The following COG5 variants were observed in gnomAD, a reference collection of about 807,000 sequenced individuals.
The protein encoded by COG5 is component of oligomeric golgi complex 5, also known as conserved oligomeric Golgi complex subunit 5.
A neutral mutation model predicts 110.4 loss-of-function variants in COG5; 86 were observed. That is an observed-to-expected ratio of 0.78 (90% CI 0.65 to 0.93). COG5 has a LOEUF of 0.93. Among genes scored for constraint, COG5 ranks in the 40% least tolerant of loss-of-function variants. The pLI is 0.00. For synonymous variants in COG5, 360 were observed against 334.6 expected, an observed-to-expected ratio of 1.08 and a Z score of -0.83; for missense variants, 1,077 against 987.0, an observed-to-expected ratio of 1.09 and a Z score of -1.22.
intron 11 of COG5, among the ~76,000 whole-genome samples, chr7:107,310,907 A>T (rs1015501330): frequency 2.0e-5 from 3 of 152,140 alleles, no homozygotes; most frequent in African/African-American, 7.2e-5. Flanking sequence ...CATCAATAAA[A>T]GTTCTCAGCA....
At chr7:107,433,245 G>T (rs1376387623) in intron 6 of COG5, among the ~76,000 whole-genome samples, 1 of 152,116 alleles carries the variant, frequency 6.6e-6, no homozygotes, top group Non-Finnish European at 1.5e-5. Flanking sequence ...GCTTAATATT[G>T]TTAAGATGTC....
intron 14 of COG5, among the ~76,000 whole-genome samples, chr7:107,280,003 T>C (rs7341417): frequency 4.6e-5 from 7 of 152,110 alleles, no homozygotes; most frequent in Non-Finnish European, 7.4e-5. Flanking sequence ...ATTTTCTATA[T>C]ACATGCTGGA....
At chr7:107,524,915 T>G (rs1465037208) in intron 6 of COG5, among the ~76,000 whole-genome samples, 1 of 152,064 alleles carries the variant, frequency 6.6e-6, no homozygotes, top group Non-Finnish European at 1.5e-5. Flanking sequence ...TTGTGCCTGT[T>G]TTTTTGTGGG....
intron 7 of COG5, among the ~76,000 whole-genome samples, chr7:107,393,339 G>A (rs952601406): frequency 1.3e-5 from 2 of 151,982 alleles, no homozygotes; most frequent in African/African-American, 2.4e-5. Flanking sequence ...GCCCCTAGGT[G>A]GTCTGCATTC....
chr7:107,389,571 C>T (rs1050298619), intron 7 of COG5, among the ~76,000 whole-genome samples: 3 of 152,178 alleles, frequency 2.0e-5, no homozygotes, highest in Non-Finnish European at 4.4e-5. Flanking sequence ...GGGAAAGTAA[C>T]GGATTTCACT....
At chr7:107,379,476 T>G (rs2129052573) in intron 7 of COG5, among the ~76,000 whole-genome samples, 1 of 151,266 alleles carries the variant, frequency 6.6e-6, no homozygotes, top group Non-Finnish European at 1.5e-5. Context: ...CACGGACTAG[T>G]AAATTGGATA....
chr7:107,243,604 T>A (rs1029074516), intron 17 of COG5, among the ~76,000 whole-genome samples: 1 of 148,494 alleles, frequency 6.7e-6, no homozygotes, highest in African/African-American at 2.5e-5. Context: ...CAGTATTAGA[T>A]AGATCATCAA....
intron 19 of COG5, among the ~76,000 whole-genome samples, chr7:107,228,698 C>T (rs1004857623): frequency 2.6e-5 from 4 of 151,792 alleles, no homozygotes; most frequent in Non-Finnish European, 4.4e-5. Context: ...TTTAAGTTTT[C>T]CTAAAACTCA....
intron 6 of COG5, among the ~76,000 whole-genome samples, chr7:107,504,979 C>CT (rs1314346549): frequency 6.6e-6 from 1 of 152,060 alleles, no homozygotes; most frequent in African/African-American, 2.4e-5. Flanking sequence ...GGTGGAAACT[C>CT]TGAGTTCCTT....
At chr7:107,411,211 C>A (rs371675760) in intron 7 of COG5, among the ~76,000 whole-genome samples, 1 of 152,164 alleles carries the variant, frequency 6.6e-6, no homozygotes, top group Non-Finnish European at 1.5e-5. Context: ...TCAAATCCAG[C>A]GGCCACTTCT....
chr7:107,343,173 C>T (rs1396440463), intron 10 of COG5, among the ~76,000 whole-genome samples: 1 of 152,084 alleles, frequency 6.6e-6, no homozygotes, highest in Non-Finnish European at 1.5e-5. Flanking sequence ...ATATTAGGTA[C>T]TCATGGACAT....
chr7:107,364,237 C>A (rs1813397846), intron 8 of COG5, among the ~76,000 whole-genome samples: 1 of 152,084 alleles, frequency 6.6e-6, no homozygotes, highest in South Asian at 2.1e-4. Flanking sequence ...TGAATCCAGA[C>A]AAATTCAGAT....
intron 5 of COG5, among the ~76,000 whole-genome samples, chr7:107,537,753 GA>G (rs143745348): frequency 0.013 from 1,888 of 142,022 alleles, 29 homozygotes; most frequent in African/African-American, 0.043. Context: ...AAAAAAGAAA[GA>G]AAAAAAAAAG....
chr7:107,429,714 G>A (rs943531494), intron 6 of COG5, among the ~76,000 whole-genome samples: 2 of 152,220 alleles, frequency 1.3e-5, no homozygotes, highest in East Asian at 1.9e-4. Context: ...TTATGGGGAC[G>A]GGTCTTTCCT....
intron 6 of COG5, among the ~76,000 whole-genome samples, chr7:107,498,612 AAAAC>A (rs1453684536): frequency 1.3e-5 from 2 of 152,186 alleles, no homozygotes; most frequent in Admixed American, 6.5e-5. Context: ...ATTATTAAAA[AAAAC>A]AAACAAGCAA....
intron 7 of COG5, among the ~76,000 whole-genome samples, chr7:107,398,109 A>G (rs913026040): frequency 6.6e-6 from 1 of 152,202 alleles, no homozygotes; most frequent in Admixed American, 6.5e-5. Flanking sequence ...ACAAAAGAAA[A>G]CATGGATAAA....
At chr7:107,515,605 G>A (rs551952690) in intron 6 of COG5, among the ~76,000 whole-genome samples, 275 of 152,264 alleles carry the variant, frequency 1.8e-3, no homozygotes, top group African/African-American at 5.9e-3. Flanking sequence ...CTCAAAAGCA[G>A]AGTATCCATC....
At chr7:107,225,975 G>T (rs897236712) in intron 19 of COG5, among the ~76,000 whole-genome samples, 1 of 152,038 alleles carries the variant, frequency 6.6e-6, no homozygotes, top group Non-Finnish European at 1.5e-5. Flanking sequence ...TCTGGGAAGC[G>T]GAGGTTGCAG....
chr7:107,527,437 G>T, intron 5 of COG5, 80 bp from the exon 6 acceptor site: 1 of 1,486,268 alleles, frequency 6.7e-7, no homozygotes, highest in Non-Finnish European at 9.2e-7. Context: ...CAAGCACAGT[G>T]GGTTGATAGG....
Sources: gnomAD v4.1 joint callset for allele counts (sites outside exome capture counted in the v4.1 genomes callset) on GRCh38, gnomAD v4.1.1 for gene constraint, MANE v1.5 for transcripts, NCBI Gene and HGNC (gene_info 2026-07-23, HGNC 2026-07-21) for gene names.